The following PCDHGA10 variants were observed in gnomAD, a reference collection of about 807,000 sequenced individuals.
The protein encoded by PCDHGA10 is protocadherin gamma subfamily A, 10, also known as protocadherin gamma-A10.
A neutral mutation model predicts 59.5 loss-of-function variants in PCDHGA10; 42 were observed. That is an observed-to-expected ratio of 0.71 (90% CI 0.55 to 0.91). The LOEUF is 0.91. PCDHGA10 is among the 40% of genes least tolerant of loss of function. The pLI is 0.00. For synonymous variants in PCDHGA10, 511 were observed against 517.2 expected, an observed-to-expected ratio of 0.99 and a Z score of 0.16; for missense variants, 1,111 against 1,198.2, an observed-to-expected ratio of 0.93 and a Z score of 1.07.
intron 1 of PCDHGA10, among the ~76,000 whole-genome samples, chr5:141,453,176 C>T (rs1225418058): frequency 6.6e-6 from 1 of 152,042 alleles, no homozygotes; most frequent in Non-Finnish European, 1.5e-5. Flanking sequence ...TCCAGTGGTA[C>T]AATCACAGCT....
At chr5:141,474,606 T>C (rs1156236978) in intron 1 of PCDHGA10, among the ~76,000 whole-genome samples, 1 of 152,242 alleles carries the variant, frequency 6.6e-6, no homozygotes, top group Non-Finnish European at 1.5e-5. Context: ...ATAGGTCACA[T>C]ATGGCTTTTC....
intron 1 of PCDHGA10, among the ~76,000 whole-genome samples, chr5:141,450,467 T>C (rs997813636): frequency 9.2e-5 from 14 of 151,944 alleles, no homozygotes; most frequent in African/African-American, 3.2e-4. Flanking sequence ...ATTTTATATA[T>C]AGAGTTTGTT....
intron 1 of PCDHGA10, chr5:141,428,296 AT>A: frequency 1.4e-6 from 1 of 713,574 alleles, no homozygotes; most frequent in Non-Finnish European, 2.5e-6. Flanking sequence ...AAAGCTGCAG[AT>A]TTACCTGGTC....
chr5:141,432,650 G>T lies in PCDHGA10; in HGVS notation c.2436+17039G>T. 6.2e-7 allele frequency: 1 copy of T among 1,613,868 alleles called. No individual in the cohort carries two copies. The highest frequency in any genetic ancestry group is 1.1e-5 in the South Asian group (1 of 91,064). On this transcript the variant is annotated intron_variant, in intron 1 of 3. Transcript: ENST00000398610. The surrounding 1 kb of genome is among the most constrained non-coding windows in gnomAD (Gnocchi z 6.0). The stretch of plus-strand genomic sequence containing the variant: ...CACGGGCGAGGTGCGCACGGCGCGA[G>T]CCCTGCTGGACAGAGACGCGCTCAA...
chr5:141,491,648 T>C lies in PCDHGA10; in HGVS notation c.2437-3159T>C. ...GTTCAGCAGCCCACAGCTCTGGCGC[T>C]GGAGCCTGACGCCATCCGGTCCCGC... On this transcript the variant is annotated intron_variant, in intron 1 of 3. Transcript: ENST00000398610. The surrounding 1 kb of genome is among the most constrained non-coding windows in gnomAD (Gnocchi z 6.9). 2 of 1,613,834 alleles carry C rather than the reference T, an allele frequency of 1.2e-6. No individual in the cohort carries two copies. Among genetic ancestry groups the C allele is most frequent in the South Asian group, 1.1e-5 (1 of 91,082 alleles).
chr5:141,503,598 CAAAA>C (rs765754054), intron 2 of PCDHGA10, among the ~76,000 whole-genome samples: 2 of 65,756 alleles, frequency 3.0e-5, no homozygotes. Flanking sequence ...GACTCCAGCT[CAAAA>C]AAAAAAAAAA....
Position 141,486,814 on chromosome 5 carries a change from C to T in PCDHGA10, c.2437-7993C>T, listed in dbSNP as rs1048351154. On this transcript the variant is annotated intron_variant, in intron 1 of 3. Transcript: ENST00000398610. The surrounding 1 kb of genome is among the most constrained non-coding windows in gnomAD (Gnocchi z 5.0). ...ATCGGGGCAACCCACCCCTTAGCAG[C>T]ACTGTAACAGTTCGTCTATTTGTGC... 1.2e-6 allele frequency: 2 copies of T among 1,614,122 alleles called. No individual in the cohort carries two copies. Among genetic ancestry groups the T allele is most frequent in the Non-Finnish European group, 1.7e-6 (2 of 1,180,052 alleles).
chr5:141,419,065 C>G (rs763008753), intron 1 of PCDHGA10: 2 of 1,613,786 alleles, frequency 1.2e-6, no homozygotes, highest in South Asian at 2.2e-5. Context: ...ATAATTACTA[C>G]AAGCTAGTAA....
At chr5:141,499,689 CTTT>C (rs545067566) in intron 2 of PCDHGA10, among the ~76,000 whole-genome samples, 2 of 119,848 alleles carry the variant, frequency 1.7e-5, no homozygotes, top group African/African-American at 3.1e-5. Context: ...TAACAGATGA[CTTT>C]TTTTTTTTTT....
At position 141,431,034 on chromosome 5, in the gene PCDHGA10, G is replaced by C. The variant is rs372312860; in HGVS notation, c.2436+15423G>C. 2.5e-6 allele frequency: 4 copies of C among 1,613,992 alleles called. No homozygotes were observed. The highest frequency in any genetic ancestry group is 2.7e-5 in the African/African-American group (2 of 74,938). On this transcript the variant is annotated intron_variant, in intron 1 of 3. Coordinates refer to ENST00000398610, the MANE Select transcript of PCDHGA10 (RefSeq NM_018913.3). The surrounding 1 kb of genome is among the most constrained non-coding windows in gnomAD (Gnocchi z 4.8). ...TTGGTCACGGCGGGCAGGATAGACC[G>C]GGAGGAGCTCTGTATGGGGGCCATC...
In PCDHGA10 at chr5:141,477,531, C is replaced by T. The variant is rs1316982512; in HGVS notation, c.2437-17276C>T. 5 of 1,614,162 alleles carry T rather than the reference C, an allele frequency of 3.1e-6. No homozygotes were observed. Among genetic ancestry groups the T allele is most frequent in the Middle Eastern group, 1.6e-4 (1 of 6,062 alleles). On this transcript the variant is annotated intron_variant, in intron 1 of 3. Transcript: ENST00000398610. This position sits in a 1 kb window ranked among gnomAD's most constrained non-coding sequence, Gnocchi z 4.9. ...GTTTACATTGAAGAAAACAACCTCC[C>T]CGGGGCTCCAATACTAAACCTAAGT... is the stretch of plus-strand genomic sequence containing the variant.
At chr5:141,483,854 T>C (rs2154580004) in intron 1 of PCDHGA10, among the ~76,000 whole-genome samples, 1 of 152,236 alleles carries the variant, frequency 6.6e-6, no homozygotes, top group South Asian at 2.1e-4. Flanking sequence ...ATTAAGAAAT[T>C]TCATGTCCAG....
At position 141,477,539 on chromosome 5, in the gene PCDHGA10, C is replaced by G; in HGVS notation, c.2437-17268C>G. 2 of 1,614,172 alleles carry G rather than the reference C, an allele frequency of 1.2e-6. No individual in the cohort carries two copies. The highest frequency in any genetic ancestry group is 1.7e-6 in the Non-Finnish European group (2 of 1,180,030). On this transcript the variant is annotated intron_variant, in intron 1 of 3. Transcript: ENST00000398610. The surrounding 1 kb of genome is among the most constrained non-coding windows in gnomAD (Gnocchi z 4.9). ...TGAAGAAAACAACCTCCCCGGGGCT[C>G]CAATACTAAACCTAAGTGTCTGGGA...
At chr5:141,472,778 G>T (rs1244170163) in intron 1 of PCDHGA10, among the ~76,000 whole-genome samples, 1 of 151,878 alleles carries the variant, frequency 6.6e-6, no homozygotes, top group Non-Finnish European at 1.5e-5. Flanking sequence ...CTGAGGTTGG[G>T]AGTTCAAGAT....
chr5:141,472,980 C>CAAAAAAAAAAA (rs60579131), intron 1 of PCDHGA10, among the ~76,000 whole-genome samples: 11 of 86,030 alleles, frequency 1.3e-4, no homozygotes, highest in Non-Finnish European at 1.3e-4. Flanking sequence ...GAGTGAAACT[C>CAAAAAAAAAAA]AAAAAAAAAA....
Position 141,413,032 on chromosome 5 carries a change from C to A in PCDHGA10, c.-144C>A. On this transcript the variant is annotated 5_prime_UTR_variant, in exon 1 of 4. In the 5' UTR this introduces an upstream ATG that the reference lacks. Coordinates refer to ENST00000398610, the MANE Select transcript of PCDHGA10 (RefSeq NM_018913.3). ...CAACTACACAAGCCCCACAAACCGG[C>A]TGCTGGGCTGCAGGGAAGCTCACTC... 1.3e-6 allele frequency: 1 copy of A among 766,948 alleles called. No homozygotes were observed. The highest frequency in any genetic ancestry group is 2.0e-6 in the Non-Finnish European group (1 of 498,394). 47.5% of individuals were successfully genotyped at this position (766,948 alleles called of 1,614,324 possible). A position where few individuals can be genotyped will look rare whatever the true frequency, so the allele number is the denominator to read the frequency against.
At chr5:141,435,306 T>C (rs2154556603) in intron 1 of PCDHGA10, among the ~76,000 whole-genome samples, 1 of 152,358 alleles carries the variant, frequency 6.6e-6, no homozygotes, top group East Asian at 1.9e-4. Flanking sequence ...TGGTTTTAAA[T>C]CATTCATGAA....
chr5:141,455,860 ATTAT>A (rs145569377), intron 1 of PCDHGA10, among the ~76,000 whole-genome samples: 54,169 of 139,612 alleles, frequency 0.39, 10,686 homozygotes, highest in Admixed American at 0.44. Context: ...AATTTCTTTT[ATTAT>A]TTATTTATTT....
In PCDHGA10 at chr5:141,486,476, C is replaced by G. The variant is rs765887978; in HGVS notation, c.2437-8331C>G. The G allele has an allele frequency of 5.0e-6, 8 of 1,613,934 alleles. No homozygotes were observed. In the South Asian group the frequency reaches 7.7e-5, roughly 16 times the overall value. ...TGCTTCTGATGCTGGGAACCCTCCTCTCAGTACCCACAGAACTATTTTCCT... is the reference window on the plus strand; with the variant it reads ...TGCTTCTGATGCTGGGAACCCTCCTGTCAGTACCCACAGAACTATTTTCCT... On this transcript the variant is annotated intron_variant, in intron 1 of 3. Coordinates refer to ENST00000398610, the MANE Select transcript of PCDHGA10 (RefSeq NM_018913.3). The surrounding 1 kb of genome is among the most constrained non-coding windows in gnomAD (Gnocchi z 5.0).
Sources: gnomAD v4.1 joint callset for allele counts (sites outside exome capture counted in the v4.1 genomes callset) on GRCh38, gnomAD v4.1.1 for gene constraint, Gnocchi (gnomAD v3.1) non-coding constraint, MANE v1.5 for transcripts, NCBI Gene and HGNC (gene_info 2026-07-23, HGNC 2026-07-21) for gene names.